The following ATP6V1A variants were observed in gnomAD, a reference collection of about 807,000 sequenced individuals.
The protein encoded by ATP6V1A is V-type proton ATPase catalytic subunit A.
A neutral mutation model predicts 70.1 loss-of-function variants in ATP6V1A; 18 were observed. The observed-to-expected ratio is 0.26, with a 90% CI of 0.18 to 0.38. The LOEUF (loss-of-function observed/expected upper bound fraction) is 0.38. Among genes scored for constraint, ATP6V1A ranks in the 10% least tolerant of loss-of-function variants. The probability of loss-of-function intolerance (pLI) is 1.00; values close to 1 mark genes in which losing one functional copy is unlikely to be tolerated. For missense variants in ATP6V1A, 424 were observed against 772.4 expected (o/e 0.55, Z 5.35); for synonymous variants, 232 against 253.8 (o/e 0.91, Z 0.82).
chr3:113,760,333 T>G (rs1663092410), intron 1 of ATP6V1A, among the ~76,000 whole-genome samples: 2 of 152,266 alleles, frequency 1.3e-5, no homozygotes. Context: ...ATTCCTGAAT[T>G]AAATGTGAAC....
At chr3:113,758,697 AATGGCTGAATCAT>A (rs1708671355) in intron 1 of ATP6V1A, among the ~76,000 whole-genome samples, 2 of 152,340 alleles carry the variant, frequency 1.3e-5, no homozygotes, top group South Asian at 4.1e-4. Flanking sequence ...CAAGGAGTAG[AATGGCTGAATCAT>A]ATGGTAAGTG....
intron 12 of ATP6V1A, among the ~76,000 whole-genome samples, chr3:113,802,509 A>G (rs1402271341): frequency 6.6e-6 from 1 of 151,972 alleles, no homozygotes; most frequent in African/African-American, 2.4e-5. Flanking sequence ...TTGTATTTTT[A>G]GTAGAGACGG....
intron 1 of ATP6V1A, among the ~76,000 whole-genome samples, chr3:113,751,029 C>T (rs374456973): frequency 6.6e-6 from 1 of 152,058 alleles, no homozygotes. Flanking sequence ...TTTTCCAAAG[C>T]TTGTAATCAT....
chr3:113,781,722 T>C (rs1018325420), intron 3 of ATP6V1A, among the ~76,000 whole-genome samples: 10 of 152,364 alleles, frequency 6.6e-5, no homozygotes, highest in African/African-American at 2.4e-4. Context: ...TTGCTCTTAC[T>C]GCTTCAGTAA....
intron 14 of ATP6V1A, among the ~76,000 whole-genome samples, chr3:113,807,013 A>G (rs925363119): frequency 7.9e-5 from 12 of 152,004 alleles, no homozygotes; most frequent in Non-Finnish European, 1.5e-4. Context: ...TGTTCACACT[A>G]TAGATTGAAA....
In ATP6V1A at chr3:113,763,854, T is replaced by C. The variant is rs181393315; in HGVS notation, c.-13-14887T>C. 5.3e-3 allele frequency among the ~76,000 whole-genome samples: 704 copies of C among 133,936 alleles called. 15 individuals carry two copies. Among genetic ancestry groups the C allele is most frequent in the Admixed American group, 0.037 (516 of 14,110 alleles). The allele number at this position is 133,936 out of a possible 152,430, so 87.9% of individuals were successfully genotyped here. A position where few individuals can be genotyped will look rare whatever the true frequency, so the allele number is the denominator to read the frequency against. On this transcript the variant is annotated intron_variant, in intron 1 of 14. Coordinates refer to ENST00000273398, the MANE Select transcript of ATP6V1A (RefSeq NM_001690.4). Reference sequence around the variant, plus strand: ...TATGGTGTTAACTTCTAGATAGGGATCTGTGTGTTTGTAAGAATTGCTGTT... The same window carrying C: ...TATGGTGTTAACTTCTAGATAGGGACCTGTGTGTTTGTAAGAATTGCTGTT...
At chr3:113,768,374 T>C (rs181855952) in intron 1 of ATP6V1A, among the ~76,000 whole-genome samples, 194 of 152,264 alleles carry the variant, frequency 1.3e-3, no homozygotes, top group African/African-American at 4.4e-3. Flanking sequence ...TATAAAAATA[T>C]TTATTTTTCA....
At chr3:113,748,491 T>TA (rs1708549156) in intron 1 of ATP6V1A, among the ~76,000 whole-genome samples, 1 of 152,344 alleles carries the variant, frequency 6.6e-6, no homozygotes, top group African/African-American at 2.4e-5. Flanking sequence ...CTAAGGTAAT[T>TA]AAAGAAGACT....
At chr3:113,783,523 G>A (rs1225992114) in intron 3 of ATP6V1A, among the ~76,000 whole-genome samples, 2 of 152,186 alleles carry the variant, frequency 1.3e-5, no homozygotes, top group East Asian at 3.8e-4. Context: ...AGCAGCATAT[G>A]TGAAGCAATG....
At chr3:113,804,072 A>G (rs1444264052) in intron 13 of ATP6V1A, among the ~76,000 whole-genome samples, 2 of 151,970 alleles carry the variant, frequency 1.3e-5, no homozygotes, top group African/African-American at 4.8e-5. Flanking sequence ...ATCTCAGCTC[A>G]TTGCAGCCTC....
intron 1 of ATP6V1A, among the ~76,000 whole-genome samples, chr3:113,778,361 T>C (rs1035601233): frequency 1.3e-5 from 2 of 152,128 alleles, no homozygotes; most frequent in African/African-American, 2.4e-5. Context: ...TCCACTGCAC[T>C]CCAGCCTGGG....
At chr3:113,783,472 G>C (rs530483736) in intron 3 of ATP6V1A, among the ~76,000 whole-genome samples, 5 of 152,074 alleles carry the variant, frequency 3.3e-5, no homozygotes, top group African/African-American at 7.2e-5. Context: ...TTTAGGTTTT[G>C]TCCAAGTACT....
chr3:113,755,544 T>G (rs890874091), intron 1 of ATP6V1A, among the ~76,000 whole-genome samples: 3 of 151,954 alleles, frequency 2.0e-5, no homozygotes, highest in Admixed American at 6.6e-5. Flanking sequence ...GAGGTTGCAG[T>G]GAGCTGAGAT....
In ATP6V1A at chr3:113,782,749, A is replaced by G. The variant is rs186388309; in HGVS notation, c.212-1475A>G. Among the ~76,000 whole-genome samples the G allele has an allele frequency of 9.0e-3, 1,359 of 151,566 alleles. 10 individuals are homozygous for G. Among genetic ancestry groups the G allele is most frequent in the Middle Eastern group, 0.02 (6 of 294 alleles). The stretch of plus-strand genomic sequence containing the variant: ...AGCAATTCTCTGCCTCAGCCTCCCA[A>G]GTAGCTGGGATTACAGGCACGTGCC... On this transcript the variant is annotated intron_variant, in intron 3 of 14. Coordinates refer to ENST00000273398, the MANE Select transcript of ATP6V1A (RefSeq NM_001690.4).
At chr3:113,768,461 A>G (rs1343499194) in intron 1 of ATP6V1A, among the ~76,000 whole-genome samples, 1 of 151,888 alleles carries the variant, frequency 6.6e-6, no homozygotes, top group Non-Finnish European at 1.5e-5. Context: ...TTGTCTTTCT[A>G]TTTTGTCATC....
chr3:113,808,735 T>C (rs1709307179), intron 14 of ATP6V1A, among the ~76,000 whole-genome samples: 1 of 152,214 alleles, frequency 6.6e-6, no homozygotes, highest in South Asian at 2.1e-4. Flanking sequence ...TCATCTAATA[T>C]ATGAAGCGGC....
Position 113,810,141 on chromosome 3 carries a change from CAA to C in ATP6V1A, c.*715_*716del, listed in dbSNP as rs914877179. 11 of 151,722 alleles carry C rather than the reference CAA, an allele frequency of 7.3e-5. No homozygotes were observed. Among genetic ancestry groups the C allele is most frequent in the Non-Finnish European group, 1.5e-5 (1 of 68,060 alleles). The allele number at this position is 151,722 out of a possible 1,614,324, so 9.4% of individuals were successfully genotyped here. ...CACTGCAGCCTTCGCCTCCCGGGTT[CAA>C]GTGATTCTCCTGCCTCAGCCTCCCG... is the stretch of plus-strand genomic sequence containing the variant. On this transcript the variant is annotated 3_prime_UTR_variant, in exon 15 of 15. Transcript: ENST00000273398.
intron 13 of ATP6V1A, among the ~76,000 whole-genome samples, chr3:113,804,314 A>G (rs541206982): frequency 6.6e-6 from 1 of 152,148 alleles, no homozygotes; most frequent in African/African-American, 2.4e-5. Context: ...TTCCTAAATA[A>G]TTATTACTCT....
At chr3:113,788,439 A>G (rs575932133) in intron 6 of ATP6V1A, among the ~76,000 whole-genome samples, 8 of 151,588 alleles carry the variant, frequency 5.3e-5, no homozygotes, top group Admixed American at 3.9e-4. Context: ...GGTTCAAGCA[A>G]TTCTCCTGTC....
Sources: gnomAD v4.1 joint callset for allele counts (sites outside exome capture counted in the v4.1 genomes callset) on GRCh38, gnomAD v4.1.1 for gene constraint, MANE v1.5 for transcripts, NCBI Gene and HGNC (gene_info 2026-07-23, HGNC 2026-07-21) for gene names.